Variants in PIGZ observed in about 807,000 individuals in gnomAD.
PIGZ encodes the protein phosphatidylinositol glycan anchor biosynthesis class Z (Gwada blood group).
Under a neutral mutation model 16.4 loss-of-function variants are expected in PIGZ, and 16 were observed. The observed-to-expected ratio is 0.97, with a 90% CI of 0.66 to 1.48. The LOEUF is 1.48. PIGZ is among the 40% of genes most tolerant of loss of function. The pLI is 0.00. For missense variants in PIGZ, 770 were observed against 739.2 expected, an observed-to-expected ratio of 1.04 and a Z score of -0.48; for synonymous variants, 409 against 338.4, an observed-to-expected ratio of 1.21 and a Z score of -2.29.
rs546161118 is a variant in PIGZ at position 196,950,318 on chromosome 3, T to A, written c.211+1503A>T. 3.3e-5 allele frequency among the ~76,000 whole-genome samples: 5 copies of A among 152,314 alleles called. No homozygotes were observed. The South Asian group carries it at 8.3e-4, about 25-fold the overall frequency. ...TTAAATTTTTTGTAAGAAGAATATA[T>A]CCAAGTAGTACTTACATAATTTAAG... On this transcript the variant is annotated intron_variant, in intron 2 of 2. Coordinates refer to ENST00000412723, the MANE Select transcript of PIGZ (RefSeq NM_025163.4).
intron 1 of PIGZ, among the ~76,000 whole-genome samples, chr3:196,956,647 T>C (rs943112350): frequency 1.3e-5 from 2 of 152,262 alleles, no homozygotes; most frequent in African/African-American, 4.8e-5. Flanking sequence ...TATTTCATAT[T>C]TTCCATATCT....
At position 196,959,791 on chromosome 3, in the gene PIGZ, G is replaced by A. The variant is rs188677180; in HGVS notation, c.1-7760C>T. Among the ~76,000 whole-genome samples the A allele has an allele frequency of 5.3e-5, 8 of 152,298 alleles. No homozygotes were observed. In the East Asian group the frequency reaches 1.5e-3, roughly 29 times the overall value. On this transcript the variant is annotated intron_variant, in intron 1 of 2. Transcript: ENST00000412723. ...CCACTTCAGGCCCCCCACACTGCCT[G>A]CCATTTGACAGCAGGGATCCTTCCA...
chr3:196,948,927 CCCTTTACTT>C (rs1560180938), intron 2 of PIGZ, among the ~76,000 whole-genome samples: 6 of 13,090 alleles, frequency 4.6e-4, no homozygotes, highest in South Asian at 2.6e-3. Context: ...TCCCTTCCTT[CCCTTTACTT>C]CCCTTCCTTC....
At chr3:196,968,507 G>C (rs1718029381) in intron 1 of PIGZ, among the ~76,000 whole-genome samples, 180 bp downstream of exon 1, 1 of 152,220 alleles carries the variant, frequency 6.6e-6, no homozygotes, top group African/African-American at 2.4e-5. Flanking sequence ...GCGGACCCCG[G>C]CCTAGGGACA....
rs947174066 is a variant in PIGZ, at chr3:196,965,627, T to C, written c.-1+3060A>G. Among the ~76,000 whole-genome samples the C allele has an allele frequency of 2.0e-5, 3 of 152,162 alleles. No individual in the cohort carries two copies. The highest frequency in any genetic ancestry group is 2.9e-5 in the Non-Finnish European group (2 of 68,032). On this transcript the variant is annotated intron_variant, in intron 1 of 2. Transcript: ENST00000412723. The surrounding 1 kb of genome is among the most constrained non-coding windows in gnomAD (Gnocchi z 4.2). ...TCTTGTTCCTCATTCTCCACTGTCATTGTCTGAGTCCAGGTATGCTGTGAC... is the reference window on the plus strand; with the variant it reads ...TCTTGTTCCTCATTCTCCACTGTCACTGTCTGAGTCCAGGTATGCTGTGAC...
chr3:196,947,536 G>A lies in PIGZ; in HGVS notation c.1361C>T (p.Thr454Ile), dbSNP rs145091890. The A allele has an allele frequency of 1.2e-5, 20 of 1,613,646 alleles. No individual in the cohort carries two copies. The highest frequency in any genetic ancestry group is 1.7e-5 in the Non-Finnish European group (20 of 1,180,024). The change falls in exon 3 of 3, where the codon ACA becomes ATA. Residue 454 changes from threonine to isoleucine, a missense_variant. Physicochemically the swap from Thr to Ile is moderately conservative, Grantham distance 89. Coordinates refer to ENST00000412723, the MANE Select transcript of PIGZ (RefSeq NM_025163.4). Reference sequence around the variant, plus strand: ...GAAGAGGAGTGTGTAGTGGGTGGGTGTGCTTGGGAGCACAGGGGCATGGAC... The same window carrying A: ...GAAGAGGAGTGTGTAGTGGGTGGGTATGCTTGGGAGCACAGGGGCATGGAC... The part of the protein sequence containing the change: ...QVVHAPVLPS[T>I]PTHYTLLFTH...
intron 1 of PIGZ, among the ~76,000 whole-genome samples, chr3:196,968,082 A>G (rs1003317311): frequency 4.6e-5 from 7 of 152,228 alleles, no homozygotes; most frequent in Non-Finnish European, 8.8e-5. Context: ...CATGACCACC[A>G]ACCGGAGCGC....
chr3:196,948,887 TCC>T (rs60146838), intron 2 of PIGZ, among the ~76,000 whole-genome samples: 2 of 12,632 alleles, frequency 1.6e-4, no homozygotes, highest in African/African-American at 1.1e-3. Flanking sequence ...TTCCCTTCCT[TCC>T]CCTTCCTTCC....
In PIGZ at chr3:196,965,476, C is replaced by A. The variant is rs1379640857; in HGVS notation, c.-1+3211G>T. 6.6e-6 allele frequency among the ~76,000 whole-genome samples: 1 copy of A among 152,198 alleles called. No homozygotes were observed. The highest frequency in any genetic ancestry group is 6.5e-5 in the Admixed American group (1 of 15,278). On this transcript the variant is annotated intron_variant, in intron 1 of 2. Transcript: ENST00000412723. The surrounding 1 kb of genome is among the most constrained non-coding windows in gnomAD (Gnocchi z 4.2). ...TCAAGATGAGATTGGGGCGGGGACACAAAAGCCTAACCATGTCATACCATT... is the reference window on the plus strand; with the variant it reads ...TCAAGATGAGATTGGGGCGGGGACAAAAAAGCCTAACCATGTCATACCATT...
Position 196,947,595 on chromosome 3 carries a change from G to GC in PIGZ, c.1301dup (p.Leu435ProfsTer57), listed in dbSNP as rs753814752. On this transcript the variant is annotated frameshift_variant, in exon 3 of 3. Transcript: ENST00000412723. LOFTEE classifies it high-confidence loss of function. ...CCAGGTACTCCAGGCCAGGCACCAG[G>GC]CCCCCCTGATGCAGGCAGCCGAAGA... 12 of 1,613,692 alleles carry GC rather than the reference G, an allele frequency of 7.4e-6. No homozygotes were observed. The highest frequency in any genetic ancestry group is 3.3e-4 in the Middle Eastern group (2 of 6,054).
rs1214016841 is a variant in PIGZ at position 196,965,825 on chromosome 3, G to A, written c.-1+2862C>T. Among the ~76,000 whole-genome samples the A allele has an allele frequency of 2.6e-5, 4 of 152,162 alleles. No homozygotes were observed. Among genetic ancestry groups the A allele is most frequent in the African/African-American group, 9.7e-5 (4 of 41,408 alleles). Reference sequence around the variant, plus strand: ...TCTGTGGATGAATAATGAGGGAGATGGTAAGAAGCATGACCTGGAGTAGAC... The same window carrying A: ...TCTGTGGATGAATAATGAGGGAGATAGTAAGAAGCATGACCTGGAGTAGAC... On this transcript the variant is annotated intron_variant, in intron 1 of 2. Coordinates refer to ENST00000412723, the MANE Select transcript of PIGZ (RefSeq NM_025163.4). The surrounding 1 kb of genome is among the most constrained non-coding windows in gnomAD (Gnocchi z 4.2).
rs1233624185 is a variant in PIGZ, at chr3:196,948,956, C to T, written c.212-271G>A. Among the ~76,000 whole-genome samples the T allele has an allele frequency of 6.1e-4, 28 of 45,832 alleles. 6 individuals carry two copies. Among genetic ancestry groups the T allele is most frequent in the Non-Finnish European group, 8.2e-4 (20 of 24,376 alleles). The allele number at this position is 45,832 out of a possible 152,430, so 30.1% of individuals were successfully genotyped here. A position where few individuals can be genotyped will look rare whatever the true frequency, so the allele number is the denominator to read the frequency against. On this transcript the variant is annotated intron_variant, in intron 2 of 2. Transcript: ENST00000412723. ...TTACTTCCCTTCCTTCCCCTCCCCTCCCTTCCTTCCCTTCCCCTCCCCTCC... is the reference window on the plus strand; with the variant it reads ...TTACTTCCCTTCCTTCCCCTCCCCTTCCTTCCTTCCCTTCCCCTCCCCTCC...
chr3:196,947,438 T>A lies in PIGZ; in HGVS notation c.1459A>T (p.Met487Leu), dbSNP rs761636326. 7 of 1,613,588 alleles carry A rather than the reference T, an allele frequency of 4.3e-6. No homozygotes were observed. The highest frequency in any genetic ancestry group is 5.1e-6 in the Non-Finnish European group (6 of 1,179,994). Reference protein sequence around the residue: ...GLGAPVEVVDMGGTEDWALCQ... With the variant: ...GLGAPVEVVDLGGTEDWALCQ... Reference sequence around the variant, plus strand: ...AGGGCCCAGTCCTCAGTCCCCCCCATGTCCACCACCTCCACTGGTGCCCCC... The same window carrying A: ...AGGGCCCAGTCCTCAGTCCCCCCCAAGTCCACCACCTCCACTGGTGCCCCC... The change falls in exon 3 of 3, where the codon ATG becomes TTG. Residue 487 changes from methionine to leucine, a missense_variant. By Grantham distance (15) the Met-to-Leu change is conservative. Transcript: ENST00000412723.
rs1044692072 is a variant in PIGZ, at chr3:196,965,531, T to C, written c.-1+3156A>G. On this transcript the variant is annotated intron_variant, in intron 1 of 2. Coordinates refer to ENST00000412723, the MANE Select transcript of PIGZ (RefSeq NM_025163.4). This position sits in a 1 kb window ranked among gnomAD's most constrained non-coding sequence, Gnocchi z 4.2. ...CAATTTAGTCCAGAATCCCACGGGC[T>C]ATCTCCCTCCTCCTTTGTCCCTGCA... 1.3e-5 allele frequency among the ~76,000 whole-genome samples: 2 copies of C among 152,216 alleles called. No individual in the cohort carries two copies. Among genetic ancestry groups the C allele is most frequent in the Non-Finnish European group, 2.9e-5 (2 of 68,044 alleles).
At chr3:196,961,439 G>A (rs1380830635) in intron 1 of PIGZ, among the ~76,000 whole-genome samples, 5 of 152,244 alleles carry the variant, frequency 3.3e-5, no homozygotes, top group Admixed American at 6.5e-5. Context: ...AACAATGCAA[G>A]CTGCTTCAAC....
chr3:196,960,231 CA>C lies in PIGZ; in HGVS notation c.1-8201del, dbSNP rs528829913. On this transcript the variant is annotated intron_variant, in intron 1 of 2. Transcript: ENST00000412723. ...GGAGGCCCAAATAGAGGTCATTTTT[CA>C]GTGTACCGAATGATTTTTACTACCT... Among the ~76,000 whole-genome samples the C allele has an allele frequency of 1.1e-4, 17 of 152,320 alleles. No homozygotes were observed. The South Asian group carries it at 3.1e-3, about 28-fold the overall frequency.
At chr3:196,951,787 G>C (rs1291957580) in intron 2 of PIGZ, 34 bp downstream of exon 2, 1 of 1,606,944 alleles carries the variant, frequency 6.2e-7, no homozygotes. Context: ...AGACTCTGCT[G>C]CAGCTTGTCT....
chr3:196,962,662 CACGGCAATACTGATCTTTACT>C (rs1717767313), intron 1 of PIGZ, among the ~76,000 whole-genome samples: 1 of 117,284 alleles, frequency 8.5e-6, no homozygotes, highest in Non-Finnish European at 1.8e-5. Context: ...ATCTTTACTG[CACGGCAATACTGATCTTTACT>C]GCACTGAGAT....
chr3:196,956,877 CT>C (rs1717509283), intron 1 of PIGZ, among the ~76,000 whole-genome samples: 1 of 151,988 alleles, frequency 6.6e-6, no homozygotes, highest in Admixed American at 6.6e-5. Flanking sequence ...ATCAAACATA[CT>C]TGTTGGATAT....
Sources: gnomAD v4.1 joint callset for allele counts (sites outside exome capture counted in the v4.1 genomes callset) on GRCh38, gnomAD v4.1.1 for gene constraint, Gnocchi (gnomAD v3.1) non-coding constraint, MANE v1.5 for transcripts, NCBI Gene and HGNC (gene_info 2026-07-23, HGNC 2026-07-21) for gene names.